DYNC2H1: variants seen among roughly 807,000 people sequenced by gnomAD.
The protein encoded by DYNC2H1 is cytoplasmic dynein 2 heavy chain 1.
In DYNC2H1, 410 loss-of-function variants were observed where a neutral mutation model predicts 570.0. That is an observed-to-expected ratio of 0.72 (90% confidence interval 0.66 to 0.78). The LOEUF (loss-of-function observed/expected upper bound fraction) is 0.78. DYNC2H1 is among the 30% of genes least tolerant of loss of function. The pLI, the probability that DYNC2H1 is intolerant of heterozygous loss-of-function variation, is 0.00. For missense variants in DYNC2H1, 4,865 were observed against 5,046.4 expected, an observed-to-expected ratio of 0.96 and a Z score of 1.09; for synonymous variants, 1,688 against 1,677.6, an observed-to-expected ratio of 1.01 and a Z score of -0.15.
At position 103,181,037 on chromosome 11, in the gene DYNC2H1, A is replaced by G. The variant is rs1861831007; in HGVS notation, c.6348-720A>G. 6.6e-6 allele frequency among the ~76,000 whole-genome samples: 1 copy of G among 151,456 alleles called. No individual in the cohort carries two copies. The highest frequency in any genetic ancestry group is 1.5e-5 in the Non-Finnish European group (1 of 67,614). ...TGAATTATTTTTACTATAGTTTTTT[A>G]TAATTATATAAGGTATAATTTTGAA... On this transcript the variant is annotated intron_variant, in intron 39 of 88. Coordinates refer to ENST00000375735, the MANE Select transcript of DYNC2H1 (RefSeq NM_001377.3). This position sits in a 1 kb window ranked among gnomAD's most constrained non-coding sequence, Gnocchi z 5.0.
At chr11:103,207,886 A>G (rs1271456349) in intron 52 of DYNC2H1, among the ~76,000 whole-genome samples, 3 of 152,132 alleles carry the variant, frequency 2.0e-5, no homozygotes, top group Non-Finnish European at 4.4e-5. Flanking sequence ...TAAGAATATA[A>G]TTATTTTGAT....
rs372506533 is a variant in DYNC2H1 at position 103,317,915 on chromosome 11, C to T, written c.11725+1295C>T. Among the ~76,000 whole-genome samples, 6 of 152,214 alleles carry T rather than the reference C, an allele frequency of 3.9e-5. No individual in the cohort carries two copies. The South Asian group carries it at 1.2e-3, about 32-fold the overall frequency. On this transcript the variant is annotated intron_variant, in intron 80 of 88. Transcript: ENST00000375735. ...TTTATTTTCTTATTTTGTTTCTCTT[C>T]CCACTAGAGCATTATCTATTTTAAA...
chr11:103,129,637 T>G lies in DYNC2H1; in HGVS notation c.1953+632T>G, dbSNP rs1249306384. 6.6e-6 allele frequency among the ~76,000 whole-genome samples: 1 copy of G among 151,694 alleles called. No homozygotes were observed. ...AGGTGGAGGTTGCAGTGGGTCGAGATCGTGCCACTGCACTCTAGCCTGGGA... is the reference window on the plus strand; with the variant it reads ...AGGTGGAGGTTGCAGTGGGTCGAGAGCGTGCCACTGCACTCTAGCCTGGGA... On this transcript the variant is annotated intron_variant, in intron 13 of 88. Transcript: ENST00000375735. The surrounding 1 kb of genome is among the most constrained non-coding windows in gnomAD (Gnocchi z 4.1).
In DYNC2H1 at chr11:103,323,985, T is replaced by G; in HGVS notation, c.12034T>G (p.Ser4012Ala). 1 of 1,584,410 alleles carries G rather than the reference T, an allele frequency of 6.3e-7. No individual in the cohort carries two copies. The highest frequency in any genetic ancestry group is 8.6e-7 in the Non-Finnish European group (1 of 1,168,862). Residue 4012 changes from serine (S) to alanine (A), a missense_variant, in exon 82 of 89, where the codon TCT (serine) becomes GCT (alanine). Physicochemically the swap from Ser to Ala is moderately conservative, Grantham distance 99. Transcript: ENST00000375735. ...TCGCTCATCTCAGCGCATGATCAGT[T>G]CTCAGGTAACCTAAAAAAAAGATCT... ...IARSSQRMIS[S>A]QVISQLRILG... is the part of the protein sequence containing the mutation.
chr11:103,367,007 A>T (rs554317741), intron 83 of DYNC2H1, among the ~76,000 whole-genome samples: 2 of 152,258 alleles, frequency 1.3e-5, no homozygotes, highest in East Asian at 3.9e-4. Context: ...AATGTAGCTT[A>T]GTTTAATATC....
intron 83 of DYNC2H1, among the ~76,000 whole-genome samples, chr11:103,387,022 G>A (rs1941913174): frequency 6.6e-6 from 1 of 151,944 alleles, no homozygotes; most frequent in Non-Finnish European, 1.5e-5. Context: ...ACCCAGTAAT[G>A]GGATGGCTGG....
intron 63 of DYNC2H1, among the ~76,000 whole-genome samples, chr11:103,242,679 T>C (rs1864464666): frequency 6.6e-6 from 1 of 152,216 alleles, no homozygotes; most frequent in Admixed American, 6.5e-5. Flanking sequence ...TTGGCTTTCT[T>C]CTGTCTACTA....
chr11:103,338,211 G>C (rs561442040), intron 82 of DYNC2H1, among the ~76,000 whole-genome samples: 6 of 152,188 alleles, frequency 3.9e-5, no homozygotes, highest in African/African-American at 1.4e-4. Context: ...CGGGTTCCTT[G>C]TTCTCTTTCA....
rs752847502 is a variant in DYNC2H1, at chr11:103,256,225, A to C, written c.10446A>C (p.Gln3482His). ...CACTTAAAGAATCTTACAAACTCCA[A>C]ATTTCCCTTGATCAAGTAATTATTT... ...QESLKESYKL[Q>H]ISLDQERDAY... The change falls in exon 68 of 89, where the codon CAA becomes CAC. Residue 3482 changes from glutamine to histidine, a missense_variant. This residue lies in a region of DYNC2H1 where 2,401 missense variants were observed against 2,454.6 expected (regional missense o/e 0.98). Transcript: ENST00000375735. The surrounding 1 kb of genome is among the most constrained non-coding windows in gnomAD (Gnocchi z 4.0). The C allele has an allele frequency of 5.6e-6, 9 of 1,601,012 alleles. No homozygotes were observed. The highest frequency in any genetic ancestry group is 7.7e-6 in the Non-Finnish European group (9 of 1,174,868).
In DYNC2H1 at chr11:103,211,770, A is replaced by G. The variant is rs1243511944; in HGVS notation, c.8540-19A>G. On this transcript the variant is annotated intron_variant, in intron 53 of 88. Coordinates refer to ENST00000375735, the MANE Select transcript of DYNC2H1 (RefSeq NM_001377.3). ...ATCATACATATAATAAGTTATTTTTATTTTCTATTTTTTTCTAGTTGATCC... is the reference window on the plus strand; with the variant it reads ...ATCATACATATAATAAGTTATTTTTGTTTTCTATTTTTTTCTAGTTGATCC... 9.3e-7 allele frequency: 1 copy of G among 1,073,414 alleles called. No individual in the cohort carries two copies. Among genetic ancestry groups the G allele is most frequent in the East Asian group, 2.8e-5 (1 of 35,636 alleles). 66.5% of individuals were successfully genotyped at this position (1,073,414 alleles called of 1,614,324 possible).
chr11:103,422,978 T>TA (rs1333540780), intron 84 of DYNC2H1, among the ~76,000 whole-genome samples: 1 of 31,344 alleles, frequency 3.2e-5, no homozygotes, highest in African/African-American at 2.4e-4. Context: ...CTCTGCAGGA[T>TA]TTTTTTGTAA....
At chr11:103,374,048 A>G (rs1156289677) in intron 83 of DYNC2H1, among the ~76,000 whole-genome samples, 3 of 152,068 alleles carry the variant, frequency 2.0e-5, no homozygotes, top group Non-Finnish European at 4.4e-5. Context: ...ATCTTTTTCC[A>G]TCTCTTTTCA....
At chr11:103,269,923 G>C (rs886659569) in intron 70 of DYNC2H1, among the ~76,000 whole-genome samples, 3 of 151,936 alleles carry the variant, frequency 2.0e-5, no homozygotes, top group Admixed American at 6.6e-5. Flanking sequence ...AGCTGGGTGC[G>C]GTGGTTCACA....
At chr11:103,260,802 TAG>T (rs1180673907) in intron 70 of DYNC2H1, among the ~76,000 whole-genome samples, 1 of 151,822 alleles carries the variant, frequency 6.6e-6, no homozygotes, top group Non-Finnish European at 1.5e-5. Context: ...GTATTTTTAG[TAG>T]AGAGAGGGAT....
Position 103,189,660 on chromosome 11 carries a change from C to A in DYNC2H1, c.7293-12C>A. 27 of 1,609,676 alleles carry A rather than the reference C, an allele frequency of 1.7e-5. No homozygotes were observed. Among genetic ancestry groups the A allele is most frequent in the Non-Finnish European group, 2.2e-5 (26 of 1,177,722 alleles). The stretch of plus-strand genomic sequence containing the variant: ...TTATTTCAGCTTTCTTCTTATATGC[C>A]ATTTTTTTTAGTTACCCAGAAAGAG... On this transcript the variant is annotated splice_polypyrimidine_tract_variant and intron_variant, in intron 44 of 88. Coordinates refer to ENST00000375735, the MANE Select transcript of DYNC2H1 (RefSeq NM_001377.3). The surrounding 1 kb of genome is among the most constrained non-coding windows in gnomAD (Gnocchi z 4.3).
At chr11:103,330,422 A>G (rs1039657325) in intron 82 of DYNC2H1, among the ~76,000 whole-genome samples, 2 of 151,662 alleles carry the variant, frequency 1.3e-5, no homozygotes, top group Non-Finnish European at 2.9e-5. Flanking sequence ...CTTCTCTTAT[A>G]ACTTCAGACT....
chr11:103,310,084 T>C (rs1369630953), intron 78 of DYNC2H1, among the ~76,000 whole-genome samples: 1 of 152,152 alleles, frequency 6.6e-6, no homozygotes, highest in African/African-American at 2.4e-5. Flanking sequence ...TATTATTTTT[T>C]AAAATTGTTA....
rs1215317623 is a variant in DYNC2H1 at position 103,222,232 on chromosome 11, T to C, written c.9231+79T>C. The C allele has an allele frequency of 1.1e-5, 11 of 1,019,412 alleles. No homozygotes were observed. The East Asian group carries it at 1.4e-4, about 13-fold the overall frequency. The allele number at this position is 1,019,412 out of a possible 1,614,324, so 63.1% of individuals were successfully genotyped here. A position where few individuals can be genotyped will look rare whatever the true frequency, so the allele number is the denominator to read the frequency against. On this transcript the variant is annotated intron_variant, in intron 58 of 88. Transcript: ENST00000375735. ...CTTTTTAAAATGTGGTGCTTTGTCA[T>C]TGCCAACTGTTTAGATCACCTAAAA...
chr11:103,127,745 G>A (rs547677008), intron 12 of DYNC2H1, among the ~76,000 whole-genome samples: 10 of 152,254 alleles, frequency 6.6e-5, no homozygotes, highest in South Asian at 4.2e-4. Flanking sequence ...ACTGTTCCTT[G>A]TAGGATCTGT....
Sources: allele counts gnomAD v4.1 joint callset (sites outside exome capture counted in the v4.1 genomes callset), GRCh38; gene constraint gnomAD v4.1.1; regional missense constraint gnomAD v4.1.1; non-coding constraint Gnocchi (gnomAD v3.1); transcripts MANE v1.5; gene names NCBI Gene and HGNC (gene_info 2026-07-23, HGNC 2026-07-21).